The following JMJD7 variants were observed in gnomAD, a reference collection of about 807,000 sequenced individuals.
The protein encoded by JMJD7 is jumonji domain containing 7.
Under a neutral mutation model 41.1 loss-of-function variants are expected in JMJD7, and 41 were observed. The ratio of observed to expected loss-of-function variants is 1.00; its 90% CI spans 0.78 to 1.30. The LOEUF (loss-of-function observed/expected upper bound fraction) is 1.30, where lower values mean the gene tolerates loss of function less well. JMJD7 is among the 50% of genes most tolerant of loss of function. The pLI, the probability that JMJD7 is intolerant of heterozygous loss-of-function variation, is 0.00. For missense variants in JMJD7, 480 were observed against 420.7 expected, an observed-to-expected ratio of 1.14 and a Z score of -1.23; for synonymous variants, 202 against 177.2, an observed-to-expected ratio of 1.14 and a Z score of -1.11.
chr15:41,833,410 A>ATTTTTTTTTT lies in JMJD7; in HGVS notation c.65-1329_65-1328insTTTTTTTTTT, dbSNP rs1465192714. On this transcript the variant is annotated intron_variant, in intron 1 of 7. Coordinates refer to ENST00000397299, the MANE Select transcript of JMJD7 (RefSeq NM_001114632.2). ...GTGAAATACATATATATATATATAT[A>ATTTTTTTTTT]TATATTTTTTTTTTTTTTTTTTTTT... 1.2e-3 allele frequency among the ~76,000 whole-genome samples: 46 copies of ATTTTTTTTTT among 39,716 alleles called. 1 individual carries two copies. Among genetic ancestry groups the ATTTTTTTTTT allele is most frequent in the Non-Finnish European group, 2.3e-3 (39 of 17,324 alleles). 26.1% of individuals were successfully genotyped at this position (39,716 alleles called of 152,430 possible). A position where few individuals can be genotyped will look rare whatever the true frequency, so the allele number is the denominator to read the frequency against.
chr15:41,837,174 C>A lies in JMJD7; in HGVS notation c.*18C>A. On this transcript the variant is annotated 3_prime_UTR_variant, in exon 8 of 8. Transcript: ENST00000397299. ...TTGACTGATGGAGCACTGGTGAACA[C>A]CACCAAGCACGCCTCGGGGGACGGA... is the stretch of plus-strand genomic sequence containing the variant. 6.3e-7 allele frequency: 1 copy of A among 1,575,152 alleles called. No individual in the cohort carries two copies.
chr15:41,830,941 C>T (rs1033255296), intron 1 of JMJD7, among the ~76,000 whole-genome samples: 1 of 152,192 alleles, frequency 6.6e-6, no homozygotes, highest in Non-Finnish European at 1.5e-5. Context: ...GCTTGGGTGC[C>T]GTGAATGGTG....
intron 4 of JMJD7, 47 bp from the exon 5 acceptor site, chr15:41,836,101 G>GC (rs1161781056): frequency 6.5e-7 from 1 of 1,533,596 alleles, no homozygotes; most frequent in African/African-American, 1.4e-5. Flanking sequence ...CTCCTCCCGT[G>GC]CCCCTGCCCT....
chr15:41,833,734 A>G (rs2065268470), intron 1 of JMJD7, among the ~76,000 whole-genome samples: 1 of 152,026 alleles, frequency 6.6e-6, no homozygotes. Context: ...AATATATAGC[A>G]TGTCAGATGG....
At chr15:41,835,731 T>C (rs1023310844) in intron 4 of JMJD7, 87 bp downstream of exon 4, 1 of 1,480,298 alleles carries the variant, frequency 6.8e-7, no homozygotes, top group Non-Finnish European at 9.2e-7. Flanking sequence ...GGGATGGCCC[T>C]GGGTGGAGGT....
In JMJD7 at chr15:41,836,936, C is replaced by G; in HGVS notation, c.858C>G (p.Ile286Met). ...ACGTCCAGCAGTCCCAGGGCTGCAT[C>G]GCAGGTGAAGAGTTGCCCAGGCCGC... ...FHHVQQSQGC[I>M]AVNFWYDMEY... is the part of the protein sequence containing the mutation. The change falls in exon 7 of 8, where the codon ATC becomes ATG. Residue 286 changes from isoleucine (I) to methionine (M), a missense_variant. Transcript: ENST00000397299. 6.2e-7 allele frequency: 1 copy of G among 1,612,796 alleles called. No homozygotes were observed. The highest frequency in any genetic ancestry group is 8.5e-7 in the Non-Finnish European group (1 of 1,179,232).
chr15:41,836,671 C>G (rs1386058175), intron 6 of JMJD7, 110 bp from the exon 7 acceptor site: 1 of 1,468,442 alleles, frequency 6.8e-7, no homozygotes, highest in Non-Finnish European at 9.0e-7. Flanking sequence ...AGTCTGAGGC[C>G]TTTCACTGCT....
At position 41,835,176 on chromosome 15, in the gene JMJD7, T is replaced by G. The variant is rs1178435386; in HGVS notation, c.425T>G (p.Leu142Arg). 1.2e-6 allele frequency: 2 copies of G among 1,602,976 alleles called. No individual in the cohort carries two copies. The highest frequency in any genetic ancestry group is 1.1e-5 in the South Asian group (1 of 91,078). ...CSNLPSELPQ[L>R]LPDLESHVPW... ...AACCTGCCCAGCGAGCTGCCCCAGC[T>G]GCTGCCTGATCTGGAATCCCATGTG... The change falls in exon 3 of 8, where the codon CTG becomes CGG. Residue 142 changes from leucine to arginine, a missense_variant. By Grantham distance (102) the Leu-to-Arg change is moderately radical. Transcript: ENST00000397299.
At chr15:41,836,365 C>A (rs750458054) in intron 5 of JMJD7, 110 bp from the exon 6 acceptor site, 1 of 1,554,254 alleles carries the variant, frequency 6.4e-7, no homozygotes, top group Non-Finnish European at 8.8e-7. Flanking sequence ...CCCAGTGCAC[C>A]AGGGCCCCTG....
intron 4 of JMJD7, 118 bp downstream of exon 4, chr15:41,835,762 C>A (rs1238314093): frequency 3.9e-6 from 5 of 1,297,530 alleles, no homozygotes; most frequent in Non-Finnish European, 5.3e-6. Context: ...TCTAAGATTT[C>A]TTTTGGCTTC....
chr15:41,835,457 C>G, intron 3 of JMJD7, 131 bp from the exon 4 acceptor site: 1 of 1,409,406 alleles, frequency 7.1e-7, no homozygotes, highest in South Asian at 1.4e-5. Context: ...ATTTCCCAAC[C>G]TCTGCCTCTT....
intron 1 of JMJD7, among the ~76,000 whole-genome samples, chr15:41,833,410 A>ATTTTT (rs1465192714): frequency 2.5e-4 from 10 of 39,714 alleles, no homozygotes; most frequent in African/African-American, 6.5e-4. Flanking sequence ...ATATATATAT[A>ATTTTT]TATATTTTTT....
intron 4 of JMJD7, chr15:41,835,919 T>C (rs2065306319): frequency 2.1e-5 from 12 of 574,168 alleles, no homozygotes; most frequent in Non-Finnish European, 3.5e-5. Context: ...GTAGGAGAAC[T>C]TCCCCTCTTG....
At chr15:41,836,702 T>G in intron 6 of JMJD7, 79 bp from the exon 7 acceptor site, 2 of 1,499,600 alleles carry the variant, frequency 1.3e-6, no homozygotes, top group Non-Finnish European at 1.8e-6. Flanking sequence ...GGGCCTGTGG[T>G]GTTGACCTTT....
intron 3 of JMJD7, 33 bp downstream of exon 3, chr15:41,835,256 C>G: frequency 6.3e-7 from 1 of 1,580,720 alleles, no homozygotes. Context: ...TGGCCCTGGA[C>G]AGGGAAGATA....
intron 1 of JMJD7, among the ~76,000 whole-genome samples, chr15:41,833,803 C>G (rs1158508136): frequency 6.6e-6 from 1 of 151,920 alleles, no homozygotes; most frequent in Non-Finnish European, 1.5e-5. Context: ...AGCAGGGGGA[C>G]AGATTATAAA....
chr15:41,831,376 C>G (rs763623431), intron 1 of JMJD7, among the ~76,000 whole-genome samples: 16 of 152,226 alleles, frequency 1.1e-4, no homozygotes, highest in Non-Finnish European at 2.9e-5. Flanking sequence ...AGAACATTCA[C>G]TTTCCAACTG....
rs1305014900 is a variant in JMJD7, at chr15:41,835,154, C to T, written c.403C>T (p.Leu135=). The T allele has an allele frequency of 6.2e-7, 1 of 1,606,434 alleles. No homozygotes were observed. Among genetic ancestry groups the T allele is most frequent in the Non-Finnish European group, 8.5e-7 (1 of 1,179,990 alleles). ...CTATGTGCAGAAGCAGTGCTCCAAC[C>T]TGCCCAGCGAGCTGCCCCAGCTGCT... The part of the protein sequence containing the change: ...VLYVQKQCSN[L]PSELPQLLPD... Residue 135 remains leucine, a synonymous_variant, in exon 3 of 8, where the codon CTG becomes TTG. Coordinates refer to ENST00000397299, the MANE Select transcript of JMJD7 (RefSeq NM_001114632.2).
chr15:41,831,330 G>A (rs2065227462), intron 1 of JMJD7, among the ~76,000 whole-genome samples: 1 of 152,208 alleles, frequency 6.6e-6, no homozygotes, highest in Non-Finnish European at 1.5e-5. Flanking sequence ...CCTGGGCCCA[G>A]TGGGGTCTTC....
Sources: allele counts gnomAD v4.1 joint callset (sites outside exome capture counted in the v4.1 genomes callset), GRCh38; gene constraint gnomAD v4.1.1; transcripts MANE v1.5; gene names NCBI Gene and HGNC (gene_info 2026-07-23, HGNC 2026-07-21).